Variants in ARMC10 observed in about 807,000 individuals in gnomAD.
ARMC10 encodes armadillo repeat containing 10.
In ARMC10, 23 loss-of-function variants were observed where a neutral mutation model predicts 30.2. The ratio of observed to expected loss-of-function variants is 0.76; its 90% CI spans 0.55 to 1.08. The LOEUF (loss-of-function observed/expected upper bound fraction) is 1.08. ARMC10 is among the 50% of genes least tolerant of loss of function. The pLI, the probability that ARMC10 is intolerant of heterozygous loss-of-function variation, is 0.00. For missense variants in ARMC10, 303 were observed against 413.7 expected (o/e 0.73, Z 2.32); for synonymous variants, 111 against 164.4 (o/e 0.68, Z 2.48).
At chr7:103,082,813 T>C (rs889337079) in intron 2 of ARMC10, among the ~76,000 whole-genome samples, 2 of 151,930 alleles carry the variant, frequency 1.3e-5, no homozygotes, top group African/African-American at 2.4e-5. Context: ...GGTAAAGCCA[T>C]AAGTTTAAAC....
At chr7:103,077,448 G>A (rs1012634058) in intron 2 of ARMC10, among the ~76,000 whole-genome samples, 1 of 152,164 alleles carries the variant, frequency 6.6e-6, no homozygotes, top group Non-Finnish European at 1.5e-5. Context: ...GGCCGTAGCT[G>A]GTAAGGGCTT....
intron 2 of ARMC10, among the ~76,000 whole-genome samples, chr7:103,078,347 G>T (rs114485590): frequency 0.02 from 3,089 of 152,234 alleles, 96 homozygotes; most frequent in African/African-American, 0.071. Context: ...ATTGAATCAC[G>T]GGGGCAGTTC....
chr7:103,083,956 T>C (rs1301559489), intron 3 of ARMC10, 126 bp downstream of exon 3: 4 of 1,471,284 alleles, frequency 2.7e-6, no homozygotes, highest in Non-Finnish European at 3.7e-6. Context: ...TGGCTACTTA[T>C]ACTTAAAACA....
intron 2 of ARMC10, among the ~76,000 whole-genome samples, chr7:103,078,312 C>T (rs994672997): frequency 6.6e-6 from 1 of 152,192 alleles, no homozygotes; most frequent in Non-Finnish European, 1.5e-5. Flanking sequence ...ATCCCTACAT[C>T]GTGGGAGGGA....
At chr7:103,076,934 G>A (rs1461020200) in intron 2 of ARMC10, among the ~76,000 whole-genome samples, 1 of 152,172 alleles carries the variant, frequency 6.6e-6, no homozygotes, top group Non-Finnish European at 1.5e-5. Flanking sequence ...TGTCACCCAG[G>A]CTCGGTGCAG....
chr7:103,081,794 G>C (rs941061704), intron 2 of ARMC10: 1 of 439,656 alleles, frequency 2.3e-6, no homozygotes, highest in South Asian at 1.6e-5. Context: ...GTGTATGTAT[G>C]CATGTGTATA....
Position 103,083,717 on chromosome 7 carries a change from A to C in ARMC10, c.280A>C (p.Asn94His), listed in dbSNP as rs141475643. Reference sequence around the variant, plus strand: ...TGATGGTTCATATGATGATGTTCTAAATGCTGAACAACTTCAGAAACTCCT... The same window carrying C: ...TGATGGTTCATATGATGATGTTCTACATGCTGAACAACTTCAGAAACTCCT... ...LTDGSYDDVLNAEQLQKLLYL... is the reference protein window; with the variant it reads ...LTDGSYDDVLHAEQLQKLLYL... Residue 94 changes from asparagine (N) to histidine (H), a missense_variant, in exon 3 of 7, where the codon AAT becomes CAT. Transcript: ENST00000323716. 1,458 of 1,613,298 alleles carry C rather than the reference A, an allele frequency of 9.0e-4. 11 individuals are homozygous for C. In the African/African-American group the frequency reaches 0.017, roughly 19 times the overall value.
chr7:103,088,553 C>A (rs1335352016), intron 4 of ARMC10: 1 of 153,398 alleles, frequency 6.5e-6, no homozygotes, highest in East Asian at 1.9e-4. Context: ...AAAAATCTTA[C>A]TTTTTTCCCA....
Position 103,091,281 on chromosome 7 carries a change from T to G in ARMC10, c.529-1196T>G, listed in dbSNP as rs140540509. On this transcript the variant is annotated intron_variant, in intron 4 of 6. Coordinates refer to ENST00000323716, the MANE Select transcript of ARMC10 (RefSeq NM_031905.5). ...CTGTCTCTACAAAGAATACAAAAAT[T>G]AGCTGGGCATGGTGGCATTGCAGCC... 2.2e-3 allele frequency among the ~76,000 whole-genome samples: 330 copies of G among 152,224 alleles called. 2 individuals are homozygous for G. The highest frequency in any genetic ancestry group is 0.02 in the Middle Eastern group (6 of 294).
At chr7:103,097,784 T>C (rs1014206720) in intron 6 of ARMC10, among the ~76,000 whole-genome samples, 5 of 152,084 alleles carry the variant, frequency 3.3e-5, no homozygotes, top group Admixed American at 2.6e-4. Context: ...GAGACAAAAA[T>C]ATATAACAAG....
intron 3 of ARMC10, 25 bp from the exon 4 acceptor site, chr7:103,086,605 T>A (rs1585753271): frequency 6.1e-6 from 1 of 164,142 alleles, no homozygotes; most frequent in Non-Finnish European, 1.2e-5. Flanking sequence ...CCAGTCCTGC[T>A]TTTTTTTTTT....
chr7:103,091,415 G>A (rs1380254628), intron 4 of ARMC10, among the ~76,000 whole-genome samples: 1 of 152,144 alleles, frequency 6.6e-6, no homozygotes, highest in Non-Finnish European at 1.5e-5. Flanking sequence ...GTTGTGTCAT[G>A]TATGATACAA....
chr7:103,091,886 T>A (rs1801369177), intron 4 of ARMC10, among the ~76,000 whole-genome samples: 1 of 152,246 alleles, frequency 6.6e-6, no homozygotes, highest in African/African-American at 2.4e-5. Flanking sequence ...TTAAAAGTCC[T>A]TGTCTGCAAG....
intron 3 of ARMC10, among the ~76,000 whole-genome samples, chr7:103,085,826 G>C (rs982397765): frequency 3.3e-5 from 5 of 151,948 alleles, no homozygotes; most frequent in Non-Finnish European, 7.4e-5. Flanking sequence ...TGTTGGCCAG[G>C]CTGGTCTCTA....
intron 2 of ARMC10, among the ~76,000 whole-genome samples, chr7:103,079,615 A>G (rs1800198101): frequency 6.6e-6 from 1 of 152,250 alleles, no homozygotes; most frequent in Non-Finnish European, 1.5e-5. Flanking sequence ...TAGGTGGCAT[A>G]ATGATTTACT....
intron 2 of ARMC10, among the ~76,000 whole-genome samples, chr7:103,079,306 T>C (rs1800167895): frequency 6.6e-6 from 1 of 152,156 alleles, no homozygotes; most frequent in African/African-American, 2.4e-5. Context: ...CATTAAAATA[T>C]TTCTTTCCAT....
At chr7:103,078,888 A>G (rs1285700208) in intron 2 of ARMC10, among the ~76,000 whole-genome samples, 3 of 152,170 alleles carry the variant, frequency 2.0e-5, no homozygotes, top group African/African-American at 7.2e-5. Context: ...GTGCACTTGT[A>G]GTCCCAGCTA....
intron 4 of ARMC10, among the ~76,000 whole-genome samples, chr7:103,092,199 G>C (rs1328945585): frequency 6.6e-6 from 1 of 152,032 alleles, no homozygotes; most frequent in Non-Finnish European, 1.5e-5. Context: ...CGGGCGTGGT[G>C]GCGGGCGCCT....
At chr7:103,097,435 G>A in intron 6 of ARMC10, 87 bp downstream of exon 6, 1 of 991,628 alleles carries the variant, frequency 1.0e-6, no homozygotes, top group African/African-American at 1.6e-5. Flanking sequence ...AGCCTAAAAT[G>A]TTAACAGGGA....
Sources: allele counts gnomAD v4.1 joint callset (sites outside exome capture counted in the v4.1 genomes callset), GRCh38; gene constraint gnomAD v4.1.1; transcripts MANE v1.5; gene names NCBI Gene and HGNC (gene_info 2026-07-23, HGNC 2026-07-21).